The following EIPR1 variants were observed in gnomAD, a reference collection of about 807,000 sequenced individuals.
EIPR1 encodes EARP and GARP complex-interacting protein 1.
In EIPR1, 25 loss-of-function variants were observed where a neutral mutation model predicts 48.1. The observed-to-expected ratio is 0.52, with a 90% CI of 0.38 to 0.73. The LOEUF (loss-of-function observed/expected upper bound fraction) is 0.73. Among genes scored for constraint, EIPR1 ranks in the 30% least tolerant of loss-of-function variants. The probability of loss-of-function intolerance (pLI) is 0.00; values close to 1 mark genes in which losing one functional copy is unlikely to be tolerated. For synonymous variants in EIPR1, 204 were observed against 201.9 expected (o/e 1.01, Z -0.09); for missense variants, 415 against 506.2 (o/e 0.82, Z 1.73).
chr2:3,239,141 A>G (rs1266549905), intron 4 of EIPR1, among the ~76,000 whole-genome samples: 4 of 152,212 alleles, frequency 2.6e-5, no homozygotes, highest in Admixed American at 6.5e-5. Flanking sequence ...GGCCACTGGG[A>G]GAGTCTGAGA....
rs370732524 is a variant in EIPR1 at position 3,351,133 on chromosome 2, T to G, written c.126+3417A>C. 1.4e-3 allele frequency among the ~76,000 whole-genome samples: 213 copies of G among 152,110 alleles called. 1 individual carries two copies. Among genetic ancestry groups the G allele is most frequent in the African/African-American group, 5.1e-3 (213 of 41,498 alleles). ...CTCATGCCTCAGCCTTCCAAGTAGC[T>G]GGGATTACAGGTGCGTGCCACCACA... On this transcript the variant is annotated intron_variant, in intron 2 of 8. Transcript: ENST00000382125.
intron 4 of EIPR1, among the ~76,000 whole-genome samples, chr2:3,222,984 A>G (rs907613624): frequency 3.3e-5 from 5 of 152,174 alleles, no homozygotes; most frequent in Non-Finnish European, 4.4e-5. Flanking sequence ...CAAGGCAAAG[A>G]GGGAAAGGGT....
intron 5 of EIPR1, among the ~76,000 whole-genome samples, chr2:3,201,415 C>T (rs1333173074): frequency 6.6e-6 from 1 of 152,242 alleles, no homozygotes; most frequent in African/African-American, 2.4e-5. Context: ...TCCTATTTCA[C>T]TCCATCAGAT....
chr2:3,318,228 G>T (rs182185873), intron 3 of EIPR1, among the ~76,000 whole-genome samples: 1 of 152,214 alleles, frequency 6.6e-6, no homozygotes, highest in Admixed American at 6.5e-5. Flanking sequence ...AGCTGGCCCC[G>T]GTTCTTTACA....
chr2:3,208,544 G>A (rs778388883), intron 5 of EIPR1: 127 of 1,548,318 alleles, frequency 8.2e-5, no homozygotes, highest in Non-Finnish European at 1.1e-4. Context: ...TAAAAATAGT[G>A]AGAAATGACC....
chr2:3,308,510 A>C (rs1669021816), intron 3 of EIPR1, among the ~76,000 whole-genome samples: 1 of 152,180 alleles, frequency 6.6e-6, no homozygotes, highest in South Asian at 2.1e-4. Flanking sequence ...AATAGACGGA[A>C]AAAAAAATGA....
chr2:3,225,161 A>C (rs1666019748), intron 4 of EIPR1, among the ~76,000 whole-genome samples: 1 of 151,866 alleles, frequency 6.6e-6, no homozygotes, highest in Non-Finnish European at 1.5e-5. Flanking sequence ...TTTCCCCCCC[A>C]GATTTATTGA....
intron 4 of EIPR1, among the ~76,000 whole-genome samples, chr2:3,218,234 C>T (rs112915032): frequency 5.6e-5 from 8 of 143,302 alleles, no homozygotes; most frequent in African/African-American, 1.0e-4. Context: ...ACACTCAACA[C>T]GACCCTGATA....
rs768803664 is a variant in EIPR1 at position 3,231,774 on chromosome 2, G to C, written c.417-17526C>G. On this transcript the variant is annotated intron_variant, in intron 4 of 8. Transcript: ENST00000382125. ...CGAGGACTTGCACTTACTTTCATCAGATGTTCTAGCCTGTAATTTTCTCTT... is the reference window on the plus strand; with the variant it reads ...CGAGGACTTGCACTTACTTTCATCACATGTTCTAGCCTGTAATTTTCTCTT... Among the ~76,000 whole-genome samples, 5 of 152,298 alleles carry C rather than the reference G, an allele frequency of 3.3e-5. No individual in the cohort carries two copies. In the South Asian group the frequency reaches 6.2e-4, roughly 19 times the overall value.
chr2:3,219,372 C>T (rs1281476103), intron 4 of EIPR1, among the ~76,000 whole-genome samples: 2 of 146,266 alleles, frequency 1.4e-5, no homozygotes, highest in Admixed American at 7.0e-5. Flanking sequence ...AGGTGCACAC[C>T]CAACATGGCC....
chr2:3,377,479 C>T, intron 1 of EIPR1, 169 bp downstream of exon 1: 2 of 806,516 alleles, frequency 2.5e-6, no homozygotes, highest in Middle Eastern at 2.4e-4. Flanking sequence ...CCAGTACAAC[C>T]GTTTAACCTC....
chr2:3,294,894 T>C (rs1668494464), intron 3 of EIPR1, among the ~76,000 whole-genome samples: 1 of 100,002 alleles, frequency 1.0e-5, no homozygotes, highest in African/African-American at 4.1e-5. Context: ...ATGCCCTCCA[T>C]CCAGCCCATT....
At chr2:3,275,290 A>C (rs559876330) in intron 3 of EIPR1, among the ~76,000 whole-genome samples, 1 of 152,336 alleles carries the variant, frequency 6.6e-6, no homozygotes, top group East Asian at 1.9e-4. Flanking sequence ...AAAAGCAGTA[A>C]GGGTCACCAC....
intron 2 of EIPR1, among the ~76,000 whole-genome samples, chr2:3,353,569 C>T (rs146644629): frequency 6.6e-6 from 1 of 152,260 alleles, no homozygotes; most frequent in East Asian, 1.9e-4. Flanking sequence ...CTAACATTCA[C>T]GCATTTTGAT....
intron 2 of EIPR1, among the ~76,000 whole-genome samples, chr2:3,342,869 T>C (rs943557575): frequency 6.6e-6 from 1 of 152,216 alleles, no homozygotes; most frequent in Non-Finnish European, 1.5e-5. Flanking sequence ...CATAGAGTAG[T>C]GCAAGTACAC....
At chr2:3,202,204 TG>T (rs1665070432) in intron 5 of EIPR1, among the ~76,000 whole-genome samples, 1 of 152,264 alleles carries the variant, frequency 6.6e-6, no homozygotes, top group South Asian at 2.1e-4. Context: ...CCCAAAGTGC[TG>T]GGATTACAGG....
chr2:3,341,513 TGTGCGG>T (rs1422610592), intron 2 of EIPR1, among the ~76,000 whole-genome samples: 1 of 151,704 alleles, frequency 6.6e-6, no homozygotes, highest in Non-Finnish European at 1.5e-5. Context: ...TGCATGTATG[TGTGCGG>T]GTGTGGGTGT....
intron 3 of EIPR1, among the ~76,000 whole-genome samples, chr2:3,299,556 G>A (rs750765917): frequency 1.3e-5 from 2 of 151,688 alleles, no homozygotes; most frequent in African/African-American, 4.8e-5. Context: ...ACTATAGCCT[G>A]CTGAAATTCC....
chr2:3,323,435 T>C (rs1194554876), intron 3 of EIPR1, among the ~76,000 whole-genome samples: 7 of 152,200 alleles, frequency 4.6e-5, no homozygotes, highest in Non-Finnish European at 8.8e-5. Context: ...ATTTTTAGTC[T>C]CCTTCACTGA....
Sources: gnomAD v4.1 joint callset for allele counts (sites outside exome capture counted in the v4.1 genomes callset) on GRCh38, gnomAD v4.1.1 for gene constraint, MANE v1.5 for transcripts, NCBI Gene and HGNC (gene_info 2026-07-23, HGNC 2026-07-21) for gene names.